The following CCDC59 variants were observed in gnomAD, a reference collection of about 807,000 sequenced individuals.
CCDC59 encodes the protein thyroid transcription factor 1-associated protein 26.
Under a neutral mutation model 30.5 loss-of-function variants are expected in CCDC59, and 27 were observed. The ratio of observed to expected loss-of-function variants is 0.89; its 90% CI spans 0.65 to 1.22. CCDC59 has a LOEUF of 1.22. Ranked by LOEUF, CCDC59 falls within the 50% of genes most tolerant of loss-of-function variation. The probability of loss-of-function intolerance (pLI) is 0.00; values close to 1 mark genes in which losing one functional copy is unlikely to be tolerated. For missense variants in CCDC59, 362 were observed against 284.4 expected (o/e 1.27, Z -1.96); for synonymous variants, 125 against 100.9 (o/e 1.24, Z -1.43).
chr12:82,358,184 C>A, intron 1 of CCDC59, 39 bp downstream of exon 1: 1 of 1,612,682 alleles, frequency 6.2e-7, no homozygotes, highest in Non-Finnish European at 8.5e-7. Flanking sequence ...TAAAACTTAG[C>A]AAGCCTGAGG....
In CCDC59 at chr12:82,353,331, G is replaced by A. The variant is rs1880886618; in HGVS notation, c.565-19C>T. ...CGAATTCCTAAAATTATTAACATAT[G>A]TAACTTTCATTAGCAACAAACAGTA... On this transcript the variant is annotated intron_variant, in intron 3 of 3. Transcript: ENST00000256151. 6 of 1,577,638 alleles carry A rather than the reference G, an allele frequency of 3.8e-6. No homozygotes were observed. The highest frequency in any genetic ancestry group is 5.2e-6 in the Non-Finnish European group (6 of 1,163,744).
chr12:82,358,598 G>A (rs1881279826), upstream of CCDC59: 4 of 1,612,934 alleles, frequency 2.5e-6, no homozygotes, highest in Admixed American at 1.7e-5. Context: ...CGGTGACCCC[G>A]GACCTGCCCA....
At position 82,357,043 on chromosome 12, in the gene CCDC59, C is replaced by G; in HGVS notation, c.381G>C (p.Gln127His). Residue 127 changes from glutamine (Q) to histidine (H), a missense_variant, in exon 2 of 4, where the codon CAG becomes CAC. Coordinates refer to ENST00000256151, the MANE Select transcript of CCDC59 (RefSeq NM_014167.5). ...EQVHQPLLEEQCSIDEPLFED... is the reference protein window; with the variant it reads ...EQVHQPLLEEHCSIDEPLFED... ...CAAATAAAGGCTCGTCAATGCTACA[C>G]TGTTCTTCAAGCAACGGCTGGTGAA... The G allele has an allele frequency of 6.2e-7, 1 of 1,614,184 alleles. No individual in the cohort carries two copies. Among genetic ancestry groups the G allele is most frequent in the Non-Finnish European group, 8.5e-7 (1 of 1,180,022 alleles).
At chr12:82,358,056 A>G (rs1441270707) in intron 1 of CCDC59, among the ~76,000 whole-genome samples, 167 bp downstream of exon 1, 2 of 152,238 alleles carry the variant, frequency 1.3e-5, no homozygotes, top group Non-Finnish European at 2.9e-5. Flanking sequence ...CCGTCTTCCT[A>G]TCTAGAGCTC....
At chr12:82,355,390 C>T (rs1880976881) in intron 2 of CCDC59, 2 of 152,038 alleles carry the variant, frequency 1.3e-5, no homozygotes, top group Admixed American at 6.6e-5. Flanking sequence ...GTACACCACA[C>T]TGAGTGTTTG....
intron 1 of CCDC59, among the ~76,000 whole-genome samples, chr12:82,357,826 A>C (rs914305510): frequency 3.9e-5 from 6 of 152,350 alleles, no homozygotes; most frequent in Admixed American, 6.5e-5. Flanking sequence ...ACACAAATTA[A>C]AGCGAAGGCT....
intron 3 of CCDC59, among the ~76,000 whole-genome samples, 156 bp downstream of exon 3, chr12:82,354,339 T>C (rs1056289303): frequency 1.3e-5 from 2 of 152,136 alleles, no homozygotes; most frequent in African/African-American, 4.8e-5. Context: ...TGGAATAAGA[T>C]GCAATCCTCT....
At position 82,358,214 on chromosome 12, in the gene CCDC59, C is replaced by G. The variant is rs2136756632; in HGVS notation, c.154+9G>C. The G allele has an allele frequency of 6.2e-7, 1 of 1,614,198 alleles. No homozygotes were observed. Among genetic ancestry groups the G allele is most frequent in the Non-Finnish European group, 8.5e-7 (1 of 1,180,028 alleles). ...CTGAGGATTTGCAAATGGTTGCCTTCTTACATACCCTCGCGAACGCTCCCC... is the reference window on the plus strand; with the variant it reads ...CTGAGGATTTGCAAATGGTTGCCTTGTTACATACCCTCGCGAACGCTCCCC... On this transcript the variant is annotated intron_variant, in intron 1 of 3. Coordinates refer to ENST00000256151, the MANE Select transcript of CCDC59 (RefSeq NM_014167.5).
rs865943046 is a variant in CCDC59, at chr12:82,353,262, T to C, written c.615A>G (p.Lys205=). ...TTTTAAACACTTCCATTTTCTTCTT[T>C]TTGTACTGCCTTTGGGCTTCTTCTC... The part of the protein sequence containing the change: ...QEREEAQRQY[K]KKKMEVFKIL... The change falls in exon 4 of 4, where the codon AAA becomes AAG. Residue 205 remains lysine (K), a synonymous_variant. Transcript: ENST00000256151. 1 of 1,613,124 alleles carries C rather than the reference T, an allele frequency of 6.2e-7. No homozygotes were observed. The highest frequency in any genetic ancestry group is 1.7e-5 in the Admixed American group (1 of 59,874).
At chr12:82,354,361 G>T in intron 3 of CCDC59, 134 bp downstream of exon 3, 1 of 588,448 alleles carries the variant, frequency 1.7e-6, no homozygotes, top group Non-Finnish European at 2.7e-6. Context: ...CCTTTGCTCA[G>T]ACTACTCATT....
rs371599948 is a variant in CCDC59 at position 82,358,299 on chromosome 12, C to A, written c.78G>T (p.Gly26=). ...TCTGTCTCACATTCTTATTCCTGTA[C>A]CCGACAGTGGAAACCCCTTCACCAC... ...EARGEGVSTV[G]YRNKNVRQKT... Residue 26 remains glycine (G), a synonymous_variant, in exon 1 of 4, where the codon GGG becomes GGT. Coordinates refer to ENST00000256151, the MANE Select transcript of CCDC59 (RefSeq NM_014167.5). 2 of 1,614,166 alleles carry A rather than the reference C, an allele frequency of 1.2e-6. No homozygotes were observed. Among genetic ancestry groups the A allele is most frequent in the East Asian group, 2.2e-5 (1 of 44,872 alleles).
Position 82,358,344 on chromosome 12 carries a change from C to A in CCDC59, c.33G>T (p.Arg11=). The change falls in exon 1 of 4, where the codon CGG becomes CGT. Residue 11 remains arginine (R), a synonymous_variant. Transcript: ENST00000256151. MAPVRRSAKW[R]PGGIEARGEG... is the part of the protein sequence containing the mutation. ...CACCACGCGCCTCAATACCACCAGG[C>A]CGCCACTTCGCGGACCGCCTCACCG... The A allele has an allele frequency of 3.1e-6, 5 of 1,613,918 alleles. No homozygotes were observed. Among genetic ancestry groups the A allele is most frequent in the South Asian group, 2.2e-5 (2 of 91,088 alleles).
upstream of CCDC59, chr12:82,358,623 T>G (rs1158275315): frequency 3.7e-6 from 6 of 1,613,972 alleles, 1 homozygote; most frequent in South Asian, 6.6e-5. Context: ...GCGTGCCAAG[T>G]TGCAGGGACT....
chr12:82,355,224 G>A (rs1221312299), intron 2 of CCDC59: 1 of 152,304 alleles, frequency 6.6e-6, no homozygotes, highest in African/African-American at 2.4e-5. Context: ...CCAGAGACCT[G>A]TCCTCAGTCC....
chr12:82,353,409 G>GA, intron 3 of CCDC59, 97 bp from the exon 4 acceptor site: 1 of 948,486 alleles, frequency 1.1e-6, no homozygotes, highest in Admixed American at 3.2e-5. Context: ...AACACTCTAA[G>GA]GTTTGTCTCT....
Position 82,357,023 on chromosome 12 carries a change from A to G in CCDC59, c.401T>C (p.Leu134Ser). The G allele has an allele frequency of 6.2e-7, 1 of 1,614,196 alleles. No homozygotes were observed. The highest frequency in any genetic ancestry group is 2.2e-5 in the East Asian group (1 of 44,876). The change falls in exon 2 of 4, where the codon TTA (leucine) becomes TCA (serine). Residue 134 changes from leucine (L) to serine (S), a missense_variant. Leu to Ser is a moderately radical substitution (Grantham distance 145, BLOSUM62 -2). Transcript: ENST00000256151. Reference protein sequence around the residue: ...LEEQCSIDEPLFEDQCSFDQP... With the variant: ...LEEQCSIDEPSFEDQCSFDQP... Reference sequence around the variant, plus strand: ...GTCAAAGCTACACTGATCTTCAAATAAAGGCTCGTCAATGCTACACTGTTC... The same window carrying G: ...GTCAAAGCTACACTGATCTTCAAATGAAGGCTCGTCAATGCTACACTGTTC...
rs779613929 is a variant in CCDC59, at chr12:82,353,327, A to G, written c.565-15T>C. ...CTCTCGAATTCCTAAAATTATTAAC[A>G]TATGTAACTTTCATTAGCAACAAAC... On this transcript the variant is annotated splice_polypyrimidine_tract_variant and intron_variant, in intron 3 of 3. Coordinates refer to ENST00000256151, the MANE Select transcript of CCDC59 (RefSeq NM_014167.5). 2.5e-6 allele frequency: 4 copies of G among 1,582,828 alleles called. No homozygotes were observed. The highest frequency in any genetic ancestry group is 2.2e-5 in the East Asian group (1 of 44,666).
chr12:82,358,358 A>C lies in CCDC59; in HGVS notation c.19T>G (p.Ser7Ala), dbSNP rs1483328972. MAPVRR[S>A]AKWRPGGIEA... is the part of the protein sequence containing the mutation. The stretch of plus-strand genomic sequence containing the variant: ...ATACCACCAGGCCGCCACTTCGCGG[A>C]CCGCCTCACCGGCGCCATTGCAGCC... Residue 7 changes from serine (S) to alanine (A), a missense_variant, in exon 1 of 4, where the codon TCC (serine) becomes GCC (alanine). Transcript: ENST00000256151. 3.1e-6 allele frequency: 5 copies of C among 1,613,532 alleles called. No individual in the cohort carries two copies. The African/African-American group carries it at 4.0e-5, about 13-fold the overall frequency.
intron 1 of CCDC59, 51 bp from the exon 2 acceptor site, chr12:82,357,320 C>T (rs12818192): frequency 6.9e-7 from 1 of 1,455,612 alleles, no homozygotes; most frequent in Non-Finnish European, 9.4e-7. Flanking sequence ...AGAAGTTGAA[C>T]GAAGAATGGA....
Sources: gnomAD v4.1 joint callset for allele counts (sites outside exome capture counted in the v4.1 genomes callset) on GRCh38, gnomAD v4.1.1 for gene constraint, MANE v1.5 for transcripts, NCBI Gene and HGNC (gene_info 2026-07-23, HGNC 2026-07-21) for gene names.